The following GABRG3 variants were observed in gnomAD, a reference collection of about 807,000 sequenced individuals.
GABRG3 encodes the protein gamma-aminobutyric acid receptor subunit gamma-3.
In GABRG3, 25 loss-of-function variants were observed where a neutral mutation model predicts 48.8. The ratio of observed to expected loss-of-function variants is 0.51; its 90% CI spans 0.37 to 0.72. The LOEUF (loss-of-function observed/expected upper bound fraction) is 0.72, where lower values mean the gene tolerates loss of function less well. GABRG3 is among the 30% of genes least tolerant of loss of function. The probability of loss-of-function intolerance (pLI) is 0.00; values close to 1 mark genes in which losing one functional copy is unlikely to be tolerated. For missense variants in GABRG3, 394 were observed against 577.9 expected (o/e 0.68, Z 3.26); for synonymous variants, 227 against 217.6 (o/e 1.04, Z -0.38).
intron 5 of GABRG3, among the ~76,000 whole-genome samples, chr15:27,389,700 A>T (rs1322981001): frequency 1.3e-5 from 2 of 152,208 alleles, no homozygotes; most frequent in Non-Finnish European, 2.9e-5. Context: ...TACTCAGAGC[A>T]CGTAATTCAA....
At position 27,236,727 on chromosome 15, in the gene GABRG3, G is replaced by A. The variant is rs771628291; in HGVS notation, c.271-90082G>A. On this transcript the variant is annotated intron_variant, in intron 3 of 9. Coordinates refer to ENST00000615808, the MANE Select transcript of GABRG3 (RefSeq NM_033223.5). The surrounding 1 kb of genome is among the most constrained non-coding windows in gnomAD (Gnocchi z 4.4). ...AGGGTTTCTTGTCCTCTGCTTCACC[G>A]TTTGACATCAGAGGGCCAAAAACTC... Among the ~76,000 whole-genome samples the A allele has an allele frequency of 4.6e-5, 7 of 152,154 alleles. No homozygotes were observed. The highest frequency in any genetic ancestry group is 8.8e-5 in the Non-Finnish European group (6 of 68,034).
At chr15:27,106,319 G>A (rs999852643) in intron 3 of GABRG3, among the ~76,000 whole-genome samples, 1 of 151,896 alleles carries the variant, frequency 6.6e-6, no homozygotes, top group African/African-American at 2.4e-5. Context: ...TGATAGATTT[G>A]TTAATTTGCT....
chr15:27,292,363 G>A lies in GABRG3; in HGVS notation c.271-34446G>A, dbSNP rs140547347. ...TTGATGGGTGCAGCAAACCACCATG[G>A]CACGTGTATACCTATGTAACAAAAC... is the stretch of plus-strand genomic sequence containing the variant. On this transcript the variant is annotated intron_variant, in intron 3 of 9. Transcript: ENST00000615808. Among the ~76,000 whole-genome samples the A allele has an allele frequency of 6.6e-3, 999 of 151,588 alleles. 13 individuals carry two copies. The highest frequency in any genetic ancestry group is 0.023 in the African/African-American group (959 of 41,242).
chr15:27,070,235 G>A (rs761135080), intron 3 of GABRG3, among the ~76,000 whole-genome samples: 11 of 152,226 alleles, frequency 7.2e-5, no homozygotes, highest in South Asian at 2.1e-4. Context: ...CTTCAGTGCC[G>A]TATACAAAGA....
chr15:27,448,520 A>C (rs1889010912), intron 5 of GABRG3, among the ~76,000 whole-genome samples: 1 of 152,244 alleles, frequency 6.6e-6, no homozygotes, highest in Admixed American at 6.5e-5. Flanking sequence ...TGATGATACT[A>C]TATTCTGTTT....
intron 3 of GABRG3, among the ~76,000 whole-genome samples, chr15:27,171,527 T>C (rs1887570258): frequency 7.2e-6 from 1 of 139,750 alleles, no homozygotes; most frequent in African/African-American, 2.7e-5. Flanking sequence ...TATATATACA[T>C]ATACAGATGT....
chr15:27,012,305 A>G (rs749960565), intron 2 of GABRG3, among the ~76,000 whole-genome samples: 1 of 152,122 alleles, frequency 6.6e-6, no homozygotes, highest in East Asian at 1.9e-4. Context: ...TATTTATGCA[A>G]TGTACCTTTT....
At chr15:27,482,436 T>C (rs1480971075) in intron 6 of GABRG3, among the ~76,000 whole-genome samples, 3 of 151,866 alleles carry the variant, frequency 2.0e-5, no homozygotes, top group Admixed American at 2.0e-4. Context: ...CAGTTCACTG[T>C]TTAATGAATA....
chr15:27,242,135 C>T (rs1890145368), intron 3 of GABRG3, among the ~76,000 whole-genome samples: 1 of 152,184 alleles, frequency 6.6e-6, no homozygotes, highest in Non-Finnish European at 1.5e-5. Context: ...GCATTTCAAA[C>T]AGCAGGAATG....
rs1262327491 is a variant in GABRG3 at position 27,319,274 on chromosome 15, T to C, written c.271-7535T>C. ...CTCCAGTGAGCCTCGGTCACTGCTC[T>C]CTTGATGATGTGGATGGGTGGCTCT... On this transcript the variant is annotated intron_variant, in intron 3 of 9. Transcript: ENST00000615808. This position sits in a 1 kb window ranked among gnomAD's most constrained non-coding sequence, Gnocchi z 4.4. 6.6e-6 allele frequency among the ~76,000 whole-genome samples: 1 copy of C among 152,194 alleles called. No individual in the cohort carries two copies. The highest frequency in any genetic ancestry group is 1.9e-4 in the East Asian group (1 of 5,188).
chr15:27,210,762 G>A (rs921705039), intron 3 of GABRG3, among the ~76,000 whole-genome samples: 47 of 152,178 alleles, frequency 3.1e-4, no homozygotes, highest in African/African-American at 1.1e-3. Context: ...ATGAAGATTC[G>A]AGCAGGCCCC....
At chr15:27,315,656 A>T (rs1173099491) in intron 3 of GABRG3, among the ~76,000 whole-genome samples, 1 of 152,218 alleles carries the variant, frequency 6.6e-6, no homozygotes, top group Non-Finnish European at 1.5e-5. Context: ...AAGCAACATT[A>T]TTTTTATTCA....
intron 6 of GABRG3, among the ~76,000 whole-genome samples, chr15:27,517,524 G>T (rs1017895362): frequency 1.3e-5 from 2 of 152,196 alleles, no homozygotes; most frequent in African/African-American, 4.8e-5. Flanking sequence ...GAAAGCAGGT[G>T]GATTTGCTGT....
intron 3 of GABRG3, among the ~76,000 whole-genome samples, chr15:27,119,049 T>A (rs1361098347): frequency 6.6e-6 from 1 of 152,148 alleles, no homozygotes; most frequent in East Asian, 1.9e-4. Context: ...TCCACTATCA[T>A]AAGAACCTCA....
At chr15:27,227,379 C>A (rs763537257) in intron 3 of GABRG3, among the ~76,000 whole-genome samples, 3 of 151,486 alleles carry the variant, frequency 2.0e-5, no homozygotes, top group Non-Finnish European at 4.4e-5. Flanking sequence ...CACCTGTAGT[C>A]CTTTGTTACT....
chr15:27,508,994 T>C (rs374703623), intron 6 of GABRG3, among the ~76,000 whole-genome samples: 14 of 152,172 alleles, frequency 9.2e-5, no homozygotes, highest in East Asian at 3.9e-4. Context: ...GCTGGGATTA[T>C]AGGCTTGAGC....
At chr15:27,075,736 T>C (rs1896899395) in intron 3 of GABRG3, among the ~76,000 whole-genome samples, 1 of 152,184 alleles carries the variant, frequency 6.6e-6, no homozygotes, top group South Asian at 2.1e-4. Context: ...AGTCATTTTG[T>C]TGAGGAAGAG....
intron 5 of GABRG3, among the ~76,000 whole-genome samples, chr15:27,385,034 C>T (rs1042288576): frequency 2.0e-5 from 3 of 152,068 alleles, no homozygotes; most frequent in Admixed American, 6.5e-5. Flanking sequence ...TTTTATTATC[C>T]CGAAAATGTT....
chr15:27,221,563 C>A (rs1325388469), intron 3 of GABRG3, among the ~76,000 whole-genome samples: 1 of 152,038 alleles, frequency 6.6e-6, no homozygotes, highest in South Asian at 2.1e-4. Flanking sequence ...CTCAGAGAGA[C>A]CCGGAGAGTC....
Sources: allele counts gnomAD v4.1 joint callset (sites outside exome capture counted in the v4.1 genomes callset), GRCh38; gene constraint gnomAD v4.1.1; non-coding constraint Gnocchi (gnomAD v3.1); transcripts MANE v1.5; gene names NCBI Gene and HGNC (gene_info 2026-07-23, HGNC 2026-07-21).